PRAMEF15: variants seen among roughly 807,000 people sequenced by gnomAD.
PRAMEF15 encodes PRAME family member 9/15.
Under a neutral mutation model 35.3 loss-of-function variants are expected in PRAMEF15, and 21 were observed. That is an observed-to-expected ratio of 0.59 (90% CI 0.42 to 0.86). The LOEUF (loss-of-function observed/expected upper bound fraction) is 0.86, where lower values mean the gene tolerates loss of function less well. Ranked by LOEUF, PRAMEF15 falls within the 40% of genes least tolerant of loss-of-function variation. The pLI is 0.00. For synonymous variants in PRAMEF15, 122 were observed against 223.3 expected (o/e 0.55, Z 4.05); for missense variants, 360 against 574.1 (o/e 0.63, Z 3.81).
intron 3 of PRAMEF15, among the ~76,000 whole-genome samples, chr1:13,320,911 T>C (rs1472598658): frequency 1.3e-4 from 20 of 151,026 alleles, no homozygotes; most frequent in South Asian, 1.0e-3. Flanking sequence ...AAATTAATTA[T>C]CTAGGCAATG....
chr1:13,317,429 T>A (rs1308791954), intron 1 of PRAMEF15, among the ~76,000 whole-genome samples: 1 of 151,942 alleles, frequency 6.6e-6, no homozygotes, highest in African/African-American at 2.4e-5. Context: ...ATCTTGCGAA[T>A]GATGCATAAC....
chr1:13,317,857 G>C (rs2995617), intron 1 of PRAMEF15, among the ~76,000 whole-genome samples: 4 of 147,552 alleles, frequency 2.7e-5, no homozygotes, highest in African/African-American at 7.4e-5. Context: ...AGAAAGAAGG[G>C]AGAGAGAGGG....
rs1640085773 is a variant in PRAMEF15, at chr1:13,321,709, GAAGACCTCGTTAA to G, written c.886_898del (p.Thr296SerfsTer4). 1 of 1,607,608 alleles carries G rather than the reference GAAGACCTCGTTAA, an allele frequency of 6.2e-7. No individual in the cohort carries two copies. The highest frequency in any genetic ancestry group is 1.1e-5 in the South Asian group (1 of 90,744). ...TCTTGCTCTCTCTCCCCAGCTGTCT[GAAGACCTCGTTAA>G]AAGTCCTCACAATAACTAACTGTGT... is the stretch of plus-strand genomic sequence containing the variant. On this transcript the variant is annotated frameshift_variant, in exon 4 of 4. Transcript: ENST00000376152. LOFTEE classifies it high-confidence loss of function.
chr1:13,319,325 C>T, intron 2 of PRAMEF15, 47 bp from the exon 3 acceptor site: 1 of 1,604,278 alleles, frequency 6.2e-7, no homozygotes, highest in Non-Finnish European at 8.5e-7. Flanking sequence ...AGTTTAAGTT[C>T]AGAAATGAGT....
chr1:13,318,160 T>A (rs1337622409), intron 1 of PRAMEF15, among the ~76,000 whole-genome samples: 89 of 152,172 alleles, frequency 5.8e-4, no homozygotes, highest in African/African-American at 2.0e-3. Context: ...GAGCACTGGA[T>A]AGAAAGGAAG....
At position 13,322,595 on chromosome 1, in the gene PRAMEF15, A is replaced by G. The variant is rs1207556564; in HGVS notation, c.*331A>G. 1 of 337,054 alleles carries G rather than the reference A, an allele frequency of 3.0e-6. No individual in the cohort carries two copies. Among genetic ancestry groups the G allele is most frequent in the Admixed American group, 4.5e-5 (1 of 22,014 alleles). The allele number at this position is 337,054 out of a possible 1,614,324, so 20.9% of individuals were successfully genotyped here. A position where few individuals can be genotyped will look rare whatever the true frequency, so the allele number is the denominator to read the frequency against. On this transcript the variant is annotated 3_prime_UTR_variant, in exon 4 of 4. Transcript: ENST00000376152. ...AATCAGAAATAAAGGAAAACTGAGCAGAATCTGTCTGGTGCCCTCTATTAT... is the reference window on the plus strand; with the variant it reads ...AATCAGAAATAAAGGAAAACTGAGCGGAATCTGTCTGGTGCCCTCTATTAT...
intron 1 of PRAMEF15, among the ~76,000 whole-genome samples, chr1:13,316,294 A>G (rs1640001545): frequency 6.6e-6 from 1 of 151,540 alleles, no homozygotes; most frequent in African/African-American, 2.4e-5. Context: ...GTGAGTCACC[A>G]TGCATCTGTA....
intron 1 of PRAMEF15, among the ~76,000 whole-genome samples, chr1:13,317,609 A>T (rs1432323191): frequency 2.0e-5 from 3 of 151,838 alleles, no homozygotes; most frequent in Non-Finnish European, 4.4e-5. Flanking sequence ...GTCTTTACAA[A>T]AAGTCAAAAA....
At chr1:13,317,938 C>A (rs1205682295) in intron 1 of PRAMEF15, among the ~76,000 whole-genome samples, 3 of 151,848 alleles carry the variant, frequency 2.0e-5, no homozygotes, top group African/African-American at 4.8e-5. Context: ...AGAAAGCAAG[C>A]TTAAATAATG....
chr1:13,322,234 T>C lies in PRAMEF15; in HGVS notation c.1407T>C (p.Tyr469=). The change falls in exon 4 of 4, where the codon TAT becomes TAC. Residue 469 remains tyrosine (Y), a synonymous_variant. Transcript: ENST00000376152. ...YCPDCGNRSF[Y]DLEADQYCC ...CTGACTGTGGCAACAGGTCATTTTATGACCTGGAGGCAGATCAATACTGCT... is the reference window on the plus strand; with the variant it reads ...CTGACTGTGGCAACAGGTCATTTTACGACCTGGAGGCAGATCAATACTGCT... 1 of 1,601,568 alleles carries C rather than the reference T, an allele frequency of 6.2e-7. No homozygotes were observed. The highest frequency in any genetic ancestry group is 2.3e-5 in the East Asian group (1 of 43,808).
At position 13,316,782 on chromosome 1, in the gene PRAMEF15, TTGA is replaced by T. The variant is rs1290875867; in HGVS notation, c.-17+1127_-17+1129del. Among the ~76,000 whole-genome samples the T allele has an allele frequency of 1.3e-3, 204 of 151,964 alleles. 4 individuals carry two copies. The highest frequency in any genetic ancestry group is 4.7e-3 in the African/African-American group (194 of 41,316). ...TTAACTCTGAAATATTTTGATAAAT[TTGA>T]TGTGGCCAAGGATCCCTCAACAAGG... On this transcript the variant is annotated intron_variant, in intron 1 of 3. Transcript: ENST00000376152.
At position 13,315,607 on chromosome 1, in the gene PRAMEF15, C is replaced by CT. The variant is rs1366842308; in HGVS notation, c.-67dup. ...CCCAAAGTCTTCAAGCCTGGAGTTCCTGCTTGGTTCTTCCTGAGGTCTGAG... is the reference window on the plus strand; with the variant it reads ...CCCAAAGTCTTCAAGCCTGGAGTTCCTTGCTTGGTTCTTCCTGAGGTCTGAG... On this transcript the variant is annotated 5_prime_UTR_variant, in exon 1 of 4. Coordinates refer to ENST00000376152, the MANE Select transcript of PRAMEF15 (RefSeq NM_001098376.3). 6.6e-6 allele frequency: 1 copy of CT among 151,074 alleles called. No individual in the cohort carries two copies. Among genetic ancestry groups the CT allele is most frequent in the African/African-American group, 2.4e-5 (1 of 40,870 alleles). 9.4% of individuals were successfully genotyped at this position (151,074 alleles called of 1,614,324 possible).
chr1:13,319,267 G>A, intron 2 of PRAMEF15, 105 bp from the exon 3 acceptor site: 1 of 1,570,214 alleles, frequency 6.4e-7, no homozygotes, highest in Middle Eastern at 2.3e-4. Context: ...AAAAGTCAGA[G>A]AGAGGGACAA....
intron 2 of PRAMEF15, 61 bp from the exon 3 acceptor site, chr1:13,319,311 G>A (rs1640049423): frequency 1.3e-6 from 2 of 1,599,814 alleles, no homozygotes; most frequent in African/African-American, 1.3e-5. Flanking sequence ...TATCCAGGAT[G>A]TGGAGTTTAA....
chr1:13,318,177 T>A (rs1569791637), intron 1 of PRAMEF15, among the ~76,000 whole-genome samples: 1 of 152,090 alleles, frequency 6.6e-6, no homozygotes. Flanking sequence ...GAAGGGCTAG[T>A]GGTGGCCCTG....
intron 3 of PRAMEF15, among the ~76,000 whole-genome samples, chr1:13,321,000 A>G (rs1262210758): frequency 2.8e-4 from 43 of 151,914 alleles, no homozygotes; most frequent in East Asian, 3.9e-4. Context: ...TGATACAGGC[A>G]TGTCAGGGAT....
chr1:13,319,305 C>G (rs995971937), intron 2 of PRAMEF15, 67 bp from the exon 3 acceptor site: 6 of 1,597,894 alleles, frequency 3.8e-6, no homozygotes, highest in Non-Finnish European at 5.1e-6. Context: ...AGCTGCTATC[C>G]AGGATGTGGA....
chr1:13,316,207 C>T lies in PRAMEF15; in HGVS notation c.-17+549C>T, dbSNP rs1402673182. Among the ~76,000 whole-genome samples the T allele has an allele frequency of 1.3e-5, 2 of 151,696 alleles. 1 individual carries two copies. The highest frequency in any genetic ancestry group is 2.9e-5 in the Non-Finnish European group (2 of 67,994). On this transcript the variant is annotated intron_variant, in intron 1 of 3. Coordinates refer to ENST00000376152, the MANE Select transcript of PRAMEF15 (RefSeq NM_001098376.3). ...TTAGTAGAGGTGGGGTTTCACCACGCTGGCCAGGTTGGTCTCGAACACCTG... is the reference window on the plus strand; with the variant it reads ...TTAGTAGAGGTGGGGTTTCACCACGTTGGCCAGGTTGGTCTCGAACACCTG...
intron 1 of PRAMEF15, among the ~76,000 whole-genome samples, chr1:13,318,100 G>A (rs1271407985): frequency 2.0e-5 from 3 of 151,948 alleles, no homozygotes; most frequent in African/African-American, 7.3e-5. Flanking sequence ...TCCCCCAATG[G>A]TAGGAGGGGT....
Sources: allele counts gnomAD v4.1 joint callset (sites outside exome capture counted in the v4.1 genomes callset), GRCh38; gene constraint gnomAD v4.1.1; transcripts MANE v1.5; gene names NCBI Gene and HGNC (gene_info 2026-07-23, HGNC 2026-07-21).